PCCA: variants seen among roughly 807,000 people sequenced by gnomAD.
PCCA encodes propionyl-CoA carboxylase subunit alpha.
PCCA carries 74 observed loss-of-function variants against 101.3 expected under a neutral mutation model. The ratio of observed to expected loss-of-function variants is 0.73; its 90% confidence interval spans 0.61 to 0.89. The LOEUF is 0.89. Among genes scored for constraint, PCCA ranks in the 40% least tolerant of loss-of-function variants. The probability of loss-of-function intolerance (pLI) is 0.00; values close to 1 mark genes in which losing one functional copy is unlikely to be tolerated. For synonymous variants in PCCA, 294 were observed against 313.6 expected, an observed-to-expected ratio of 0.94 and a Z score of 0.66; for missense variants, 891 against 907.0, an observed-to-expected ratio of 0.98 and a Z score of 0.23.
chr13:100,139,062 TTA>T (rs2051544288), intron 4 of PCCA, among the ~76,000 whole-genome samples: 1 of 152,198 alleles, frequency 6.6e-6, no homozygotes, highest in East Asian at 1.9e-4. Context: ...TTGAAAAACA[TTA>T]TGTCACTTCC....
At chr13:100,348,198 CCTTT>C (rs937678326) in intron 18 of PCCA, among the ~76,000 whole-genome samples, 24 of 152,174 alleles carry the variant, frequency 1.6e-4, no homozygotes, top group African/African-American at 5.8e-4. Context: ...CACAGCCCTT[CCTTT>C]GTGTTGCTTG....
At chr13:100,353,893 C>T (rs2073600805) in intron 18 of PCCA, among the ~76,000 whole-genome samples, 3 of 151,838 alleles carry the variant, frequency 2.0e-5, no homozygotes, top group Admixed American at 2.0e-4. Context: ...GCGGAAGTTG[C>T]AGTGAGCCAA....
intron 21 of PCCA, 28 bp from the exon 22 acceptor site, chr13:100,515,399 T>C (rs778039978): frequency 5.6e-6 from 9 of 1,609,362 alleles, no homozygotes; most frequent in Non-Finnish European, 6.8e-6. Context: ...TAAACTCATT[T>C]ATGGTTTGGT....
Position 100,273,299 on chromosome 13 carries a change from G to C in PCCA, c.1018G>C (p.Asp340His). Reference protein sequence around the residue: ...SSAGTVEFLVDSKKNFYFLEM... With the variant: ...SSAGTVEFLVHSKKNFYFLEM... ...TGCTGGGACCGTGGAGTTCCTTGTG[G>C]ACTCTAAGAAGAATTTTTATTTCTT... is the stretch of plus-strand genomic sequence containing the variant. Residue 340 changes from aspartate to histidine, a missense_variant, in exon 12 of 24, where the codon GAC (aspartate) becomes CAC (histidine). By Grantham distance (81) the Asp-to-His change is moderately conservative (BLOSUM62 -1). Coordinates refer to ENST00000376285, the MANE Select transcript of PCCA (RefSeq NM_000282.4). The C allele has an allele frequency of 6.2e-7, 1 of 1,612,584 alleles. No individual in the cohort carries two copies. Among genetic ancestry groups the C allele is most frequent in the Non-Finnish European group, 8.5e-7 (1 of 1,178,636 alleles).
chr13:100,303,700 A>G (rs1193742197), intron 14 of PCCA, among the ~76,000 whole-genome samples: 3 of 152,080 alleles, frequency 2.0e-5, no homozygotes, highest in African/African-American at 7.2e-5. Context: ...ATTCATTTTG[A>G]TTACTGGCAT....
chr13:100,216,938 G>A (rs1383958014), intron 7 of PCCA, among the ~76,000 whole-genome samples: 2 of 151,472 alleles, frequency 1.3e-5, no homozygotes, highest in East Asian at 2.0e-4. Flanking sequence ...GCGAAACCCC[G>A]TCTCTACTGA....
chr13:100,309,118 G>A lies in PCCA; in HGVS notation c.1354-715G>A, dbSNP rs138401436. 3.9e-4 allele frequency among the ~76,000 whole-genome samples: 60 copies of A among 152,286 alleles called. No homozygotes were observed. In the East Asian group the frequency reaches 8.9e-3, roughly 23 times the overall value. ...TTAGTTATGAAAGTGTTAAGGGCTGGACGCAGTGGCTCATATCTGTAATCC... is the reference window on the plus strand; with the variant it reads ...TTAGTTATGAAAGTGTTAAGGGCTGAACGCAGTGGCTCATATCTGTAATCC... On this transcript the variant is annotated intron_variant, in intron 15 of 23. Coordinates refer to ENST00000376285, the MANE Select transcript of PCCA (RefSeq NM_000282.4).
chr13:100,354,325 GA>G (rs1287465867), intron 18 of PCCA, among the ~76,000 whole-genome samples: 3 of 73,120 alleles, frequency 4.1e-5, no homozygotes, highest in Non-Finnish European at 2.7e-5. Flanking sequence ...GAGAAAGAAA[GA>G]AAGAGAGGGG....
In PCCA at chr13:100,257,613, AG is replaced by A. The variant is rs747894922; in HGVS notation, c.658del (p.Ala220ProfsTer40). ...AREIGYPVMI[K>X]ASAGGGGKGM... ...CTGTTAGGCTACCCTGTCATGATCA[AG>A]GCCTCAGCAGGTGGTGGTGGGAAAG... On this transcript the variant is annotated frameshift_variant, in exon 9 of 24. Transcript: ENST00000376285. LOFTEE classifies it high-confidence loss of function. The A allele has an allele frequency of 2.5e-6, 4 of 1,613,600 alleles. No homozygotes were observed. The highest frequency in any genetic ancestry group is 1.7e-6 in the Non-Finnish European group (2 of 1,179,680).
At chr13:100,303,679 A>G (rs1012895793) in intron 14 of PCCA, among the ~76,000 whole-genome samples, 1 of 152,144 alleles carries the variant, frequency 6.6e-6, no homozygotes, top group African/African-American at 2.4e-5. Flanking sequence ...CCATCTGTGA[A>G]TATTCAAATT....
intron 19 of PCCA, among the ~76,000 whole-genome samples, chr13:100,406,321 A>G (rs1221677453): frequency 6.6e-6 from 1 of 152,240 alleles, no homozygotes; most frequent in East Asian, 1.9e-4. Context: ...TAGTTTCCAA[A>G]TTCTAGAGGA....
At position 100,406,718 on chromosome 13, in the gene PCCA, A is replaced by G. The variant is rs565318893; in HGVS notation, c.1747-18915A>G. 5.3e-5 allele frequency among the ~76,000 whole-genome samples: 8 copies of G among 152,296 alleles called. No homozygotes were observed. The East Asian group carries it at 1.5e-3, about 29-fold the overall frequency. ...AGTGAAACTGTCTCCCCACCCAAAA[A>G]AAGAGAAAAATAGTTCAAAATAAGT... On this transcript the variant is annotated intron_variant, in intron 19 of 23. Transcript: ENST00000376285.
intron 6 of PCCA, among the ~76,000 whole-genome samples, chr13:100,184,073 A>G (rs140492297): frequency 6.5e-4 from 99 of 152,310 alleles, no homozygotes; most frequent in Middle Eastern, 6.8e-3. Flanking sequence ...GCGTGGTGTC[A>G]TCTGCTTCTG....
rs145483566 is a variant in PCCA at position 100,116,832 on chromosome 13, C to T, written c.300+4771C>T. Among the ~76,000 whole-genome samples the T allele has an allele frequency of 3.1e-3, 447 of 146,362 alleles. 1 individual carries two copies. The highest frequency in any genetic ancestry group is 0.011 in the African/African-American group (425 of 38,912). ...TTTAGATTTTGCAGGCCCCTGTGGT[C>T]GCTGTTACATATGCTTCTTTTTGTT... is the stretch of plus-strand genomic sequence containing the variant. On this transcript the variant is annotated intron_variant, in intron 4 of 23. Transcript: ENST00000376285.
intron 12 of PCCA, among the ~76,000 whole-genome samples, chr13:100,299,405 C>T (rs992628983): frequency 6.6e-6 from 1 of 152,120 alleles, no homozygotes; most frequent in South Asian, 2.1e-4. Flanking sequence ...AATTGTATAG[C>T]CATTGCATAT....
intron 6 of PCCA, among the ~76,000 whole-genome samples, chr13:100,205,646 C>T (rs1443718327): frequency 6.7e-6 from 1 of 148,160 alleles, no homozygotes; most frequent in East Asian, 2.0e-4. Flanking sequence ...TCGTTGGGCT[C>T]CTGTTAATCA....
At chr13:100,423,038 A>G (rs973979452) in intron 19 of PCCA, among the ~76,000 whole-genome samples, 3 of 150,754 alleles carry the variant, frequency 2.0e-5, no homozygotes, top group Admixed American at 6.6e-5. Context: ...GTATGCAGAC[A>G]TCGAGTATTG....
chr13:100,151,204 A>G, intron 4 of PCCA: 1 of 637,206 alleles, frequency 1.6e-6, no homozygotes, highest in Non-Finnish European at 2.7e-6. Context: ...TGAAAAACAC[A>G]TCTGTTGTTC....
intron 19 of PCCA, among the ~76,000 whole-genome samples, chr13:100,412,172 A>G (rs1245132798): frequency 6.6e-6 from 1 of 152,144 alleles, no homozygotes; most frequent in African/African-American, 2.4e-5. Flanking sequence ...TGACAGCAAA[A>G]TGTTGTTGAT....
Sources: gnomAD v4.1 joint callset for allele counts (sites outside exome capture counted in the v4.1 genomes callset) on GRCh38, gnomAD v4.1.1 for gene constraint, MANE v1.5 for transcripts, NCBI Gene and HGNC (gene_info 2026-07-23, HGNC 2026-07-21) for gene names.